Variants in PASK observed in about 807,000 individuals in gnomAD.
PASK encodes PAS domain containing serine/threonine kinase.
Under a neutral mutation model 121.0 loss-of-function variants are expected in PASK, and 110 were observed. The observed-to-expected ratio is 0.91, with a 90% confidence interval of 0.78 to 1.06. PASK has a LOEUF of 1.06. PASK is among the 50% of genes least tolerant of loss of function. PASK has a pLI of 0.00. For missense variants in PASK, 1,643 were observed against 1,702.3 expected (o/e 0.97, Z 0.61); for synonymous variants, 686 against 717.8 (o/e 0.96, Z 0.71).
intron 12 of PASK, among the ~76,000 whole-genome samples, chr2:241,120,883 A>G (rs966187385): frequency 2.6e-5 from 4 of 152,254 alleles, no homozygotes; most frequent in Admixed American, 2.6e-4. Context: ...TGTTCATAGA[A>G]GCATTATTCC....
upstream of PASK, chr2:241,149,695 C>G (rs3806600): frequency 6.4e-7 from 1 of 1,550,944 alleles, no homozygotes; most frequent in East Asian, 2.4e-5. Flanking sequence ...CCTCCCGACT[C>G]GCGATCAAAA....
Position 241,108,785 on chromosome 2 carries a change from G to A in PASK, c.3534-485C>T. The A allele has an allele frequency of 3.6e-6, 1 of 274,490 alleles. No homozygotes were observed. Among genetic ancestry groups the A allele is most frequent in the South Asian group, 3.9e-5 (1 of 25,416 alleles). 17.0% of individuals were successfully genotyped at this position (274,490 alleles called of 1,614,324 possible). A position where few individuals can be genotyped will look rare whatever the true frequency, so the allele number is the denominator to read the frequency against. On this transcript the variant is annotated intron_variant, in intron 15 of 17. Transcript: ENST00000234040. The surrounding 1 kb of genome is among the most constrained non-coding windows in gnomAD (Gnocchi z 5.2). ...TTAGGAAGATGGCTGTGGCGACGAT[G>A]TGAAGGGTGCTGCAGGACGAGACTG...
chr2:241,140,456 C>T, intron 3 of PASK, 65 bp downstream of exon 3: 1 of 1,179,760 alleles, frequency 8.5e-7, no homozygotes, highest in Non-Finnish European at 1.2e-6. Flanking sequence ...CACACAAATC[C>T]CAGGTTTAAG....
chr2:241,133,158 C>G (rs1376347787), intron 8 of PASK, 128 bp from the exon 9 acceptor site: 4 of 897,098 alleles, frequency 4.5e-6, no homozygotes, highest in Non-Finnish European at 7.3e-6. Context: ...CTCACCACCC[C>G]AGGCGTCCCA....
chr2:241,144,906 T>C (rs1482473604), intron 1 of PASK, among the ~76,000 whole-genome samples: 3 of 152,158 alleles, frequency 2.0e-5, no homozygotes, highest in African/African-American at 7.2e-5. Context: ...ACAGAGCTTC[T>C]CCCTGTTTGT....
chr2:241,139,568 T>A (rs1187976651), intron 4 of PASK: 7 of 607,774 alleles, frequency 1.2e-5, no homozygotes, highest in Non-Finnish European at 2.2e-5. Flanking sequence ...GCATCTGATG[T>A]GCTGCCCGGC....
At chr2:241,134,693 C>T (rs1032597658) in intron 8 of PASK, 6 of 152,450 alleles carry the variant, frequency 3.9e-5, no homozygotes, top group Non-Finnish European at 8.8e-5. Context: ...TGCCGACCCG[C>T]CTGGCCCCAC....
In PASK at chr2:241,126,179, T is replaced by C. The variant is rs147286655; in HGVS notation, c.2719+17A>G. 7,838 of 1,612,868 alleles carry C rather than the reference T, an allele frequency of 4.9e-3. 35 individuals carry two copies. Among genetic ancestry groups the C allele is most frequent in the African/African-American group, 8.1e-3 (609 of 74,902 alleles). On this transcript the variant is annotated intron_variant, in intron 10 of 17. Coordinates refer to ENST00000234040, the MANE Select transcript of PASK (RefSeq NM_015148.4). ...TCTGGGAGCACCACACTTCTTCCTA[T>C]GGGGCCCGGGACATACTCAGCCGTA...
chr2:241,123,588 C>A (rs2065721636), intron 11 of PASK, among the ~76,000 whole-genome samples: 1 of 152,028 alleles, frequency 6.6e-6, no homozygotes, highest in Non-Finnish European at 1.5e-5. Flanking sequence ...GAGGCTGAGG[C>A]AGGTGGATCG....
intron 1 of PASK, among the ~76,000 whole-genome samples, chr2:241,143,330 CAGGAGATCG>C (rs559081683): frequency 1.3e-5 from 2 of 152,086 alleles, no homozygotes; most frequent in African/African-American, 2.4e-5. Flanking sequence ...ATCACGAGGT[CAGGAGATCG>C]AGGAGATCGA....
rs779364650 is a variant in PASK at position 241,122,734 on chromosome 2, CCTT to C, written c.3067_3069del (p.Lys1023del). On this transcript the variant is annotated inframe_deletion, in exon 12 of 18. Transcript: ENST00000234040. ...CTCCCCCCCCACAGCCAGGTTACCT[CCTT>C]GTTTTTTTCCTTGTCCACAGCAGTC... 1.7e-5 allele frequency: 28 copies of C among 1,613,934 alleles called. No individual in the cohort carries two copies. The highest frequency in any genetic ancestry group is 2.3e-5 in the Non-Finnish European group (27 of 1,179,916).
intron 10 of PASK, among the ~76,000 whole-genome samples, chr2:241,124,659 G>A (rs1436232694): frequency 1.3e-5 from 2 of 152,224 alleles, no homozygotes; most frequent in African/African-American, 2.4e-5. Flanking sequence ...CAGCCTCCTA[G>A]CTATACACCA....
At position 241,132,577 on chromosome 2, in the gene PASK, CA is replaced by C. The variant is rs2066214849; in HGVS notation, c.1463+296del. ...AAAGAAAATGATAAAATTATGATTCCATCAGTTCTCTGAAATCTACCTCAAC... is the reference window on the plus strand; with the variant it reads ...AAAGAAAATGATAAAATTATGATTCCTCAGTTCTCTGAAATCTACCTCAAC... On this transcript the variant is annotated intron_variant, in intron 9 of 17. Transcript: ENST00000234040. Among the ~76,000 whole-genome samples the C allele has an allele frequency of 4.8e-5, 7 of 147,110 alleles. No homozygotes were observed. The South Asian group carries it at 1.5e-3, about 32-fold the overall frequency.
Position 241,126,526 on chromosome 2 carries a change from G to A in PASK, c.2389C>T (p.Leu797=). 6.2e-7 allele frequency: 1 copy of A among 1,614,232 alleles called. No homozygotes were observed. Among genetic ancestry groups the A allele is most frequent in the South Asian group, 1.1e-5 (1 of 91,090 alleles). Reference sequence around the variant, plus strand: ...ACACAGGTGCCGGTCAGTAGTAACAGCTCCCTGTCATCCAGGACACACGAC... The same window carrying A: ...ACACAGGTGCCGGTCAGTAGTAACAACTCCCTGTCATCCAGGACACACGAC... ...QGSCVLDDRE[L]LLLTGTCVDL... Residue 797 remains leucine (L), a synonymous_variant, in exon 10 of 18, where the codon CTG becomes TTG. Coordinates refer to ENST00000234040, the MANE Select transcript of PASK (RefSeq NM_015148.4).
chr2:241,143,019 C>G lies in PASK; in HGVS notation c.14G>C (p.Gly5Ala). 1 of 1,613,620 alleles carries G rather than the reference C, an allele frequency of 6.2e-7. No individual in the cohort carries two copies. Among genetic ancestry groups the G allele is most frequent in the Non-Finnish European group, 8.5e-7 (1 of 1,179,708 alleles). Residue 5 changes from glycine to alanine, a missense_variant, in exon 2 of 18, where the codon GGC (glycine) becomes GCC (alanine). Physicochemically the swap from Gly to Ala is moderately conservative, Grantham distance 60. Around this residue, in one of 3 missense-constraint regions of PASK, gnomAD observed 1,176 missense variants for 1,162.2 expected, o/e 1.01. Transcript: ENST00000234040. The part of the protein sequence containing the change: MEDG[G>A]LTAFEEDQRC... The stretch of plus-strand genomic sequence containing the variant: ...CTGGTCCTCTTCAAAGGCTGTTAAG[C>G]CCCCGTCCTCCATGGGAAGAAGGGA...
In PASK at chr2:241,115,184, A is replaced by G; in HGVS notation, c.3199-7T>C. The G allele has an allele frequency of 6.2e-7, 1 of 1,614,092 alleles. No homozygotes were observed. The highest frequency in any genetic ancestry group is 8.5e-7 in the Non-Finnish European group (1 of 1,179,978). ...TTTCAAATATATCCAATACCTAGGAAGAGACAAAGCCAAGTCCAACTCTAC... is the reference window on the plus strand; with the variant it reads ...TTTCAAATATATCCAATACCTAGGAGGAGACAAAGCCAAGTCCAACTCTAC... On this transcript the variant is annotated splice_polypyrimidine_tract_variant and splice_region_variant and intron_variant, in intron 13 of 17. Transcript: ENST00000234040.
At chr2:241,123,389 A>G (rs2065711279) in intron 11 of PASK, among the ~76,000 whole-genome samples, 2 of 152,010 alleles carry the variant, frequency 1.3e-5, no homozygotes, top group East Asian at 1.9e-4. Context: ...TGTGTTAGCC[A>G]GGATGGTCTT....
intron 11 of PASK, 25 bp downstream of exon 11, chr2:241,123,924 G>T: frequency 6.3e-7 from 1 of 1,595,516 alleles, no homozygotes; most frequent in African/African-American, 1.3e-5. Context: ...CAAGTCCAGG[G>T]CAGGCATTGA....
At chr2:241,107,020 A>G (rs1325599656) in intron 17 of PASK, among the ~76,000 whole-genome samples, 1 of 152,138 alleles carries the variant, frequency 6.6e-6, no homozygotes, top group Non-Finnish European at 1.5e-5. Context: ...CTGTGGCCTC[A>G]TCCTCCCCTT....
Sources: allele counts gnomAD v4.1 joint callset (sites outside exome capture counted in the v4.1 genomes callset), GRCh38; gene constraint gnomAD v4.1.1; regional missense constraint gnomAD v4.1.1; non-coding constraint Gnocchi (gnomAD v3.1); transcripts MANE v1.5; gene names NCBI Gene and HGNC (gene_info 2026-07-23, HGNC 2026-07-21).